The following SLCO1A2 variants were observed in gnomAD, a reference collection of about 807,000 sequenced individuals.
SLCO1A2 encodes the protein solute carrier organic anion transporter family member 1A2.
Under a neutral mutation model 69.0 loss-of-function variants are expected in SLCO1A2, and 67 were observed. The observed-to-expected ratio is 0.97, with a 90% CI of 0.80 to 1.19. SLCO1A2 has a LOEUF of 1.19. SLCO1A2 is among the 50% of genes most tolerant of loss of function. The probability of loss-of-function intolerance (pLI) is 0.00; values close to 1 mark genes in which losing one functional copy is unlikely to be tolerated. For synonymous variants in SLCO1A2, 260 were observed against 265.9 expected, an observed-to-expected ratio of 0.98 and a Z score of 0.22; for missense variants, 787 against 793.7, an observed-to-expected ratio of 0.99 and a Z score of 0.10.
chr12:21,345,196 G>A (rs1953213144), intron 2 of SLCO1A2, among the ~76,000 whole-genome samples: 1 of 151,766 alleles, frequency 6.6e-6, no homozygotes, highest in East Asian at 1.9e-4. Flanking sequence ...CACTTCTGAC[G>A]TTTATGGTGC....
At position 21,299,798 on chromosome 12, in the gene SLCO1A2, ACG is replaced by A. The variant is rs1473533091; in HGVS notation, c.910+548_910+549del. ...TATATATATATATATATACACACAC[ACG>A]TATATATATACACACACACATATAC... is the stretch of plus-strand genomic sequence containing the variant. On this transcript the variant is annotated intron_variant, in intron 8 of 14. Coordinates refer to ENST00000683939, the MANE Select transcript of SLCO1A2 (RefSeq NM_001386879.1). Among the ~76,000 whole-genome samples, 14 of 118,560 alleles carry A rather than the reference ACG, an allele frequency of 1.2e-4. 1 individual carries two copies. Among genetic ancestry groups the A allele is most frequent in the African/African-American group, 5.5e-4 (14 of 25,572 alleles). The allele number at this position is 118,560 out of a possible 152,430, so 77.8% of individuals were successfully genotyped here.
intron 6 of SLCO1A2, among the ~76,000 whole-genome samples, chr12:21,303,564 C>CA (rs1948986471): frequency 1.3e-5 from 2 of 152,048 alleles, no homozygotes; most frequent in African/African-American, 4.8e-5. Context: ...ACATTAATGG[C>CA]AAAATGTCCC....
At chr12:21,334,415 G>T (rs1189634834) in intron 2 of SLCO1A2, among the ~76,000 whole-genome samples, 173 bp downstream of exon 2, 2 of 152,012 alleles carry the variant, frequency 1.3e-5, no homozygotes, top group Admixed American at 6.6e-5. Flanking sequence ...ATCCTGTGTA[G>T]ACACACCCTC....
rs71043274 is a variant in SLCO1A2 at position 21,407,821 on chromosome 12, GAA to G, written c.-312+10059_-312+10060del. Among the ~76,000 whole-genome samples, 622 of 109,916 alleles carry G rather than the reference GAA, an allele frequency of 5.7e-3. 10 individuals are homozygous for G. The East Asian group carries it at 0.064, about 11-fold the overall frequency. 72.1% of individuals were successfully genotyped at this position (109,916 alleles called of 152,430 possible). On this transcript the variant is annotated intron_variant, in intron 1 of 4. Transcript: ENST00000413682. The stretch of plus-strand genomic sequence containing the variant: ...CTGTCTAATGAAAATAAAAATAAAT[GAA>G]AAAAAAAAAAAAAAGCCTTTGGCTG...
intron 11 of SLCO1A2, among the ~76,000 whole-genome samples, chr12:21,292,626 C>T (rs1198777313): frequency 6.6e-6 from 1 of 152,016 alleles, no homozygotes. Flanking sequence ...AACAGAGACT[C>T]ACCCTGTCGC....
In SLCO1A2 at chr12:21,318,834, T is replaced by C. The variant is rs372451888; in HGVS notation, c.150A>G (p.Gln50=). 97 of 1,611,456 alleles carry C rather than the reference T, an allele frequency of 6.0e-5. No homozygotes were observed. The highest frequency in any genetic ancestry group is 8.0e-5 in the Non-Finnish European group (94 of 1,178,852). The change falls in exon 3 of 15, where the codon CAA becomes CAG. Residue 50 remains glutamine, a synonymous_variant. Coordinates refer to ENST00000683939, the MANE Select transcript of SLCO1A2 (RefSeq NM_001386879.1). ...MNSMLTQIER[Q]FNIPTSLVGF... is the part of the protein sequence containing the mutation. ...CAACTAGAGATGTTGGGATGTTGAATTGTCTCTCTATTTGTGTGAGCATGG... is the reference window on the plus strand; with the variant it reads ...CAACTAGAGATGTTGGGATGTTGAACTGTCTCTCTATTTGTGTGAGCATGG...
At chr12:21,304,297 G>C in intron 6 of SLCO1A2, 130 bp downstream of exon 6, 1 of 685,278 alleles carries the variant, frequency 1.5e-6, no homozygotes, top group East Asian at 2.8e-5. Flanking sequence ...AACTTTTATG[G>C]AAGGCCAACT....
At chr12:21,285,794 G>C (rs12821721) in intron 12 of SLCO1A2, among the ~76,000 whole-genome samples, 26,438 of 151,592 alleles carry the variant, frequency 0.17, 2,946 homozygotes, top group African/African-American at 0.31. Flanking sequence ...AAAAGCCTTT[G>C]ACAAAATGCA....
At chr12:21,361,035 T>G (rs576095956) in intron 2 of SLCO1A2, among the ~76,000 whole-genome samples, 1 of 151,878 alleles carries the variant, frequency 6.6e-6, no homozygotes, top group South Asian at 2.1e-4. Context: ...TTGAAGAGAG[T>G]TGTGGTTCTC....
chr12:21,369,155 C>T (rs1025700420), intron 2 of SLCO1A2, among the ~76,000 whole-genome samples: 7 of 152,058 alleles, frequency 4.6e-5, no homozygotes, highest in Non-Finnish European at 1.0e-4. Context: ...TATAAAACAT[C>T]TTTTACTTTT....
At chr12:21,351,160 A>ATCCTTTTCT (rs1368932810) in intron 2 of SLCO1A2, among the ~76,000 whole-genome samples, 1 of 152,214 alleles carries the variant, frequency 6.6e-6, no homozygotes, top group East Asian at 1.9e-4. Context: ...GTAAATAAGA[A>ATCCTTTTCT]GTTAGCAGCT....
At chr12:21,285,311 G>A (rs1202997738) in intron 12 of SLCO1A2, among the ~76,000 whole-genome samples, 1 of 152,106 alleles carries the variant, frequency 6.6e-6, no homozygotes, top group East Asian at 1.9e-4. Context: ...AAACAAGGAA[G>A]AAGTTGAATC....
intron 2 of SLCO1A2, among the ~76,000 whole-genome samples, chr12:21,366,615 TGAA>T (rs1387244844): frequency 6.6e-6 from 1 of 151,828 alleles, no homozygotes; most frequent in African/African-American, 2.4e-5. Context: ...CTGAAGGAAA[TGAA>T]GACCACAACA....
chr12:21,279,181 A>T lies in SLCO1A2; in HGVS notation c.1611-3757T>A, dbSNP rs11611759. 7.3e-3 allele frequency among the ~76,000 whole-genome samples: 1,111 copies of T among 151,928 alleles called. 6 individuals are homozygous for T. The highest frequency in any genetic ancestry group is 0.012 in the Non-Finnish European group (809 of 67,936). The stretch of plus-strand genomic sequence containing the variant: ...AAGGGATACAAAAGAAAAAAAGAAT[A>T]AAAAAAAGTGAAGTGCACCTACACG... On this transcript the variant is annotated intron_variant, in intron 12 of 14. Coordinates refer to ENST00000683939, the MANE Select transcript of SLCO1A2 (RefSeq NM_001386879.1).
At chr12:21,336,743 C>T (rs745965116), upstream of SLCO1A2, among the ~76,000 whole-genome samples, 12 of 151,928 alleles carry the variant, frequency 7.9e-5, no homozygotes, top group Non-Finnish European at 1.8e-4. Context: ...CAGGAAATTC[C>T]GTGTGCCGTC....
intron 1 of SLCO1A2, among the ~76,000 whole-genome samples, chr12:21,391,525 G>A (rs74066477): frequency 0.012 from 1,872 of 152,102 alleles, 31 homozygotes; most frequent in African/African-American, 0.042. Flanking sequence ...CAAAAGTTGC[G>A]ATAATGTACT....
chr12:21,389,223 A>G (rs1367816425), intron 1 of SLCO1A2, among the ~76,000 whole-genome samples: 2 of 152,206 alleles, frequency 1.3e-5, no homozygotes, highest in African/African-American at 2.4e-5. Context: ...CTTGTCAAAA[A>G]TAGTTATAAT....
At chr12:21,359,852 T>G (rs1428611871) in intron 2 of SLCO1A2, among the ~76,000 whole-genome samples, 1 of 152,214 alleles carries the variant, frequency 6.6e-6, no homozygotes, top group Non-Finnish European at 1.5e-5. Context: ...GAATATTTGT[T>G]GCAGCTTTAT....
chr12:21,394,372 C>CACAG (rs1941314940), intron 1 of SLCO1A2, among the ~76,000 whole-genome samples: 1 of 150,818 alleles, frequency 6.6e-6, no homozygotes, highest in Non-Finnish European at 1.5e-5. Flanking sequence ...TCTTTACACA[C>CACAG]ACACACACAC....
Sources: allele counts gnomAD v4.1 joint callset (sites outside exome capture counted in the v4.1 genomes callset), GRCh38; gene constraint gnomAD v4.1.1; transcripts MANE v1.5; gene names NCBI Gene and HGNC (gene_info 2026-07-23, HGNC 2026-07-21).